Variants in PDILT observed in about 807,000 individuals in gnomAD.
The protein encoded by PDILT is protein disulfide-isomerase-like protein of the testis.
PDILT carries 43 observed loss-of-function variants against 53.7 expected under a neutral mutation model. The ratio of observed to expected loss-of-function variants is 0.80; its 90% confidence interval spans 0.63 to 1.03. PDILT has a LOEUF of 1.03. Among genes scored for constraint, PDILT ranks in the 50% least tolerant of loss-of-function variants. PDILT has a pLI of 0.00. For synonymous variants in PDILT, 282 were observed against 274.2 expected (o/e 1.03, Z -0.28); for missense variants, 727 against 712.3 (o/e 1.02, Z -0.24).
intron 2 of PDILT, among the ~76,000 whole-genome samples, chr16:20,391,331 A>G (rs1381302179): frequency 6.6e-6 from 1 of 151,666 alleles, no homozygotes; most frequent in East Asian, 1.9e-4. Flanking sequence ...ATTAATAATC[A>G]TTACCATCAC....
intron 2 of PDILT, among the ~76,000 whole-genome samples, chr16:20,398,809 A>G (rs1242184135): frequency 1.3e-5 from 2 of 152,178 alleles, no homozygotes; most frequent in Non-Finnish European, 2.9e-5. Context: ...TGAGGCTCGG[A>G]ATAATACAGA....
At chr16:20,385,275 G>T (rs1966519474) in intron 2 of PDILT, among the ~76,000 whole-genome samples, 1 of 152,172 alleles carries the variant, frequency 6.6e-6, no homozygotes, top group African/African-American at 2.4e-5. Flanking sequence ...CTGTGGGATA[G>T]GTATTATTAT....
intron 2 of PDILT, among the ~76,000 whole-genome samples, chr16:20,387,476 C>A (rs1020930611): frequency 2.0e-5 from 3 of 152,086 alleles, no homozygotes; most frequent in Non-Finnish European, 2.9e-5. Flanking sequence ...GGGTCTGGAG[C>A]AGAGTGAGCT....
intron 2 of PDILT, among the ~76,000 whole-genome samples, chr16:20,387,761 C>G (rs368962032): frequency 6.6e-6 from 1 of 152,050 alleles, no homozygotes; most frequent in African/African-American, 2.4e-5. Flanking sequence ...GCTGGGATTA[C>G]AGGCATGCAC....
intron 5 of PDILT, 35 bp downstream of exon 5, chr16:20,374,787 G>C: frequency 1.3e-6 from 2 of 1,590,174 alleles, no homozygotes; most frequent in Non-Finnish European, 1.7e-6. Flanking sequence ...CTTTGAACCA[G>C]AGACCTCTCA....
In PDILT at chr16:20,359,466, A is replaced by C. The variant is rs757657391; in HGVS notation, c.1608T>G (p.Pro536=). The C allele has an allele frequency of 6.2e-7, 1 of 1,614,060 alleles. No individual in the cohort carries two copies. The highest frequency in any genetic ancestry group is 1.3e-5 in the African/African-American group (1 of 74,918). Reference sequence around the variant, plus strand: ...CGTACTTGGTCATGTTCTCCAGCTCAGGCGACTGCTGTTCAGGTAACCCTT... The same window carrying C: ...CGTACTTGGTCATGTTCTCCAGCTCCGGCGACTGCTGTTCAGGTAACCCTT... ...MRKGLPEQQS[P]ELENMTKYVS... is the part of the protein sequence containing the mutation. The change falls in exon 12 of 12, where the codon CCT becomes CCG. Residue 536 remains proline, a synonymous_variant. Transcript: ENST00000302451.
intron 3 of PDILT, among the ~76,000 whole-genome samples, chr16:20,376,618 A>G (rs1392532840): frequency 3.3e-5 from 5 of 152,248 alleles, no homozygotes; most frequent in Admixed American, 3.3e-4. Context: ...TGACAGGAAG[A>G]TTGATTTATA....
intron 3 of PDILT, among the ~76,000 whole-genome samples, chr16:20,377,220 C>T (rs997395901): frequency 6.6e-6 from 1 of 152,024 alleles, no homozygotes; most frequent in Non-Finnish European, 1.5e-5. Flanking sequence ...CCCAGGAGTT[C>T]AAGGCTGCAG....
chr16:20,371,017 T>C (rs1171371471), intron 7 of PDILT, among the ~76,000 whole-genome samples: 1 of 152,242 alleles, frequency 6.6e-6, no homozygotes, highest in African/African-American at 2.4e-5. Flanking sequence ...GGAGTACCCA[T>C]TCTTTTATTC....
At chr16:20,381,634 C>CAAAA (rs1034720000) in intron 3 of PDILT, among the ~76,000 whole-genome samples, 2 of 58,608 alleles carry the variant, frequency 3.4e-5, no homozygotes, top group African/African-American at 1.1e-4. Context: ...GACTCCATCT[C>CAAAA]AAAAAAAAAA....
intron 2 of PDILT, among the ~76,000 whole-genome samples, chr16:20,394,930 C>G (rs1966644611): frequency 2.0e-5 from 3 of 152,202 alleles, no homozygotes. Context: ...CCTTATGAAC[C>G]TAGATTTGGT....
intron 9 of PDILT, 109 bp downstream of exon 9, chr16:20,365,311 A>G: frequency 8.1e-7 from 1 of 1,234,888 alleles, no homozygotes; most frequent in Non-Finnish European, 1.2e-6. Flanking sequence ...CATCCTTGGC[A>G]TGGTGCATTG....
At chr16:20,376,856 G>C (rs1966395563) in intron 3 of PDILT, among the ~76,000 whole-genome samples, 3 of 152,170 alleles carry the variant, frequency 2.0e-5, no homozygotes, top group African/African-American at 7.2e-5. Context: ...AAGACAAATT[G>C]GTGAGCCAGA....
Position 20,365,534 on chromosome 16 carries a change from G to C in PDILT, c.1123C>G (p.Gln375Glu), listed in dbSNP as rs1966178202. 1 of 1,614,020 alleles carries C rather than the reference G, an allele frequency of 6.2e-7. No individual in the cohort carries two copies. Among genetic ancestry groups the C allele is most frequent in the Non-Finnish European group, 8.5e-7 (1 of 1,179,996 alleles). Residue 375 changes from glutamine to glutamate, a missense_variant, in exon 9 of 12, where the codon CAA becomes GAA. Coordinates refer to ENST00000302451, the MANE Select transcript of PDILT (RefSeq NM_174924.2). ...TATTTTGGAATCTCTTCACTGGATT[G>C]ATGTTTCTAGGAAGCACATTTGAGA... ...SFLSKNATKH[Q>E]SSEEIPKYWD...
intron 2 of PDILT, among the ~76,000 whole-genome samples, chr16:20,394,707 T>C (rs1966641954): frequency 6.6e-6 from 1 of 152,204 alleles, no homozygotes; most frequent in Admixed American, 6.5e-5. Context: ...ACACATTGAG[T>C]AGCACAGATG....
chr16:20,384,984 A>G (rs1966515426), intron 2 of PDILT, 133 bp from the exon 3 acceptor site: 1 of 775,868 alleles, frequency 1.3e-6, no homozygotes. Flanking sequence ...ATTTTCATAA[A>G]TGTGACAAGA....
At position 20,369,672 on chromosome 16, in the gene PDILT, C is replaced by T. The variant is rs1324007807; in HGVS notation, c.936G>A (p.Val312=). 2 of 1,614,160 alleles carry T rather than the reference C, an allele frequency of 1.2e-6. No homozygotes were observed. The highest frequency in any genetic ancestry group is 1.7e-5 in the Admixed American group (1 of 60,020). The change falls in exon 8 of 12, where the codon GTG becomes GTA. Residue 312 remains valine, a synonymous_variant. Transcript: ENST00000302451. The part of the protein sequence containing the change: ...EFQNKILFIL[V]DADEPRNGRV... ...GTCCATTTCTGGGTTCGTCTGCATC[C>T]ACAAGGATGAAAAGGATCTGCCAAA...
In PDILT at chr16:20,367,075, CTTTCTTTCTTTCTTT is replaced by C. The variant is rs1279100495; in HGVS notation, c.1117-1550_1117-1536del. On this transcript the variant is annotated intron_variant, in intron 8 of 11. Transcript: ENST00000302451. ...TCTTTCTTTCTTTCTTTCTTTCTTTCTTTCTTTCTTTCTTTCTTTCTTTCTTTCTTCCTTTCTTTC... is the reference window on the plus strand; with the variant it reads ...TCTTTCTTTCTTTCTTTCTTTCTTTCCTTTCTTTCTTTCTTCCTTTCTTTC... 3.7e-3 allele frequency among the ~76,000 whole-genome samples: 450 copies of C among 121,782 alleles called. 10 individuals are homozygous for C. The highest frequency in any genetic ancestry group is 8.4e-3 in the African/African-American group (256 of 30,654). 79.9% of individuals were successfully genotyped at this position (121,782 alleles called of 152,430 possible).
chr16:20,378,255 C>T (rs762791374), intron 3 of PDILT, among the ~76,000 whole-genome samples: 11 of 152,192 alleles, frequency 7.2e-5, no homozygotes, highest in Non-Finnish European at 1.0e-4. Flanking sequence ...TTTTACAAAA[C>T]GAACACACTT....
Sources: allele counts gnomAD v4.1 joint callset (sites outside exome capture counted in the v4.1 genomes callset), GRCh38; gene constraint gnomAD v4.1.1; transcripts MANE v1.5; gene names NCBI Gene and HGNC (gene_info 2026-07-23, HGNC 2026-07-21).